The following CNTN5 variants were observed in gnomAD, a reference collection of about 807,000 sequenced individuals.
CNTN5 encodes contactin 5.
Under a neutral mutation model 129.1 loss-of-function variants are expected in CNTN5, and 77 were observed. The ratio of observed to expected loss-of-function variants is 0.60; its 90% CI spans 0.50 to 0.72. The LOEUF is 0.72. CNTN5 is among the 30% of genes least tolerant of loss of function. CNTN5 has a pLI of 0.00. For synonymous variants in CNTN5, 509 were observed against 465.6 expected (o/e 1.09, Z -1.20); for missense variants, 1,478 against 1,328.8 (o/e 1.11, Z -1.75).
At chr11:99,219,189 A>G (rs1860276209) in intron 1 of CNTN5, among the ~76,000 whole-genome samples, 1 of 152,002 alleles carries the variant, frequency 6.6e-6, no homozygotes, top group African/African-American at 2.4e-5. Context: ...ATGAACAGAT[A>G]AGTGGGCCCT....
intron 3 of CNTN5, among the ~76,000 whole-genome samples, chr11:99,750,547 A>T (rs1317827426): frequency 1.1e-5 from 1 of 91,546 alleles, no homozygotes; most frequent in Non-Finnish European, 2.1e-5. Context: ...AGTGGTAGCT[A>T]AAAAAAAAAG....
intron 16 of CNTN5, among the ~76,000 whole-genome samples, chr11:100,248,748 A>G (rs1295100505): frequency 6.6e-6 from 1 of 152,174 alleles, no homozygotes; most frequent in Non-Finnish European, 1.5e-5. Context: ...CGGAGAATTC[A>G]TCTTAGCATT....
intron 4 of CNTN5, among the ~76,000 whole-genome samples, chr11:99,835,348 T>A (rs1453170732): frequency 6.6e-6 from 1 of 152,150 alleles, no homozygotes; most frequent in East Asian, 1.9e-4. Flanking sequence ...AGGGTTGGGA[T>A]GAGGGTTCCT....
intron 6 of CNTN5, 82 bp downstream of exon 6, chr11:99,845,344 A>G (rs1356800226): frequency 1.5e-6 from 1 of 687,352 alleles, no homozygotes; most frequent in Non-Finnish European, 2.1e-6. Flanking sequence ...AGTTCAGGAA[A>G]GAAAAGCCTA....
At chr11:100,048,354 C>A (rs936024342) in intron 9 of CNTN5, among the ~76,000 whole-genome samples, 1 of 152,084 alleles carries the variant, frequency 6.6e-6, no homozygotes, top group African/African-American at 2.4e-5. Context: ...CAAAAGCTTT[C>A]CTGGTTCTTC....
rs79185798 is a variant in CNTN5, at chr11:100,328,387, T to C, written c.2731-12076T>C. 5.0e-3 allele frequency among the ~76,000 whole-genome samples: 764 copies of C among 152,172 alleles called. 9 individuals are homozygous for C. Among genetic ancestry groups the C allele is most frequent in the Admixed American group, 0.028 (433 of 15,284 alleles). ...GTGTCTCAAATGAGACCGTCCCTTC[T>C]TGCAATCCTATGAAGAACTACCTGA... is the stretch of plus-strand genomic sequence containing the variant. On this transcript the variant is annotated intron_variant, in intron 21 of 24. Transcript: ENST00000524871.
At chr11:99,718,137 C>A (rs1315539215) in intron 3 of CNTN5, among the ~76,000 whole-genome samples, 2 of 152,006 alleles carry the variant, frequency 1.3e-5, no homozygotes, top group African/African-American at 4.8e-5. Flanking sequence ...TACACATCTT[C>A]AGGAATTATT....
chr11:99,370,521 T>C (rs1022733380), intron 2 of CNTN5, among the ~76,000 whole-genome samples: 2 of 152,188 alleles, frequency 1.3e-5, no homozygotes, highest in African/African-American at 4.8e-5. Flanking sequence ...TGTTGAGCAA[T>C]TCAAGTGTTC....
chr11:99,907,312 A>C (rs1949535427), intron 6 of CNTN5, among the ~76,000 whole-genome samples: 1 of 152,084 alleles, frequency 6.6e-6, no homozygotes, highest in South Asian at 2.1e-4. Context: ...AGTATCCTTG[A>C]ATTCATACAA....
chr11:99,582,678 G>C (rs376794887), intron 3 of CNTN5, among the ~76,000 whole-genome samples: 7 of 152,254 alleles, frequency 4.6e-5, no homozygotes, highest in African/African-American at 1.7e-4. Flanking sequence ...AGCTCCATCA[G>C]GTCCTTTAAG....
chr11:99,105,937 T>C (rs1256349592), intron 1 of CNTN5, among the ~76,000 whole-genome samples: 4 of 152,164 alleles, frequency 2.6e-5, no homozygotes, highest in Non-Finnish European at 5.9e-5. Flanking sequence ...ATTTAAGGAC[T>C]TAGAACAATT....
At chr11:99,510,181 G>C (rs1946781709) in intron 2 of CNTN5, among the ~76,000 whole-genome samples, 1 of 151,940 alleles carries the variant, frequency 6.6e-6, no homozygotes, top group South Asian at 2.1e-4. Context: ...AGTGCTTACA[G>C]AAAGAACAAA....
rs556713190 is a variant in CNTN5 at position 100,143,078 on chromosome 11, A to C, written c.1581-48048A>C. Among the ~76,000 whole-genome samples, 180 of 152,308 alleles carry C rather than the reference A, an allele frequency of 1.2e-3. 3 individuals are homozygous for C. Among genetic ancestry groups the C allele is most frequent in the Admixed American group, 5.6e-3 (85 of 15,290 alleles). ...AGTATTTATATACAAATATTCCAAA[A>C]TCTGAAAAAATTCAAAATCTGCAAC... On this transcript the variant is annotated intron_variant, in intron 13 of 24. Coordinates refer to ENST00000524871, the MANE Select transcript of CNTN5 (RefSeq NM_014361.4).
At chr11:100,084,432 A>G (rs1436298199) in intron 13 of CNTN5, among the ~76,000 whole-genome samples, 7 of 152,176 alleles carry the variant, frequency 4.6e-5, no homozygotes, top group Non-Finnish European at 1.5e-5. Flanking sequence ...GATTTTTAGC[A>G]TCCTCTGAGA....
At chr11:99,304,880 T>C (rs1390465201) in intron 1 of CNTN5, among the ~76,000 whole-genome samples, 2 of 152,160 alleles carry the variant, frequency 1.3e-5, no homozygotes, top group African/African-American at 4.8e-5. Context: ...TGTGACTGTG[T>C]CTCTACTTGA....
intron 1 of CNTN5, among the ~76,000 whole-genome samples, chr11:99,313,783 A>G (rs370689289): frequency 2.6e-5 from 4 of 152,078 alleles, no homozygotes; most frequent in South Asian, 4.1e-4. Context: ...CTGAACAGCA[A>G]ATATTTATTC....
At chr11:99,170,828 C>T (rs983339411) in intron 1 of CNTN5, among the ~76,000 whole-genome samples, 2 of 152,166 alleles carry the variant, frequency 1.3e-5, no homozygotes, top group Non-Finnish European at 2.9e-5. Flanking sequence ...CCTTATAATC[C>T]TGTTTTCTCA....
rs922969402 is a variant in CNTN5 at position 99,582,239 on chromosome 11, C to G, written c.55+25970C>G. Among the ~76,000 whole-genome samples, 6 of 152,196 alleles carry G rather than the reference C, an allele frequency of 3.9e-5. No homozygotes were observed. In the South Asian group the frequency reaches 6.2e-4, roughly 16 times the overall value. On this transcript the variant is annotated intron_variant, in intron 3 of 24. Coordinates refer to ENST00000524871, the MANE Select transcript of CNTN5 (RefSeq NM_014361.4). ...TCCATTTGTGGGTAACCCGACCTTT[C>G]TCTCTGGCTGCCCTTAACATTTTTT...
At chr11:100,140,350 T>A (rs752417103) in intron 13 of CNTN5, among the ~76,000 whole-genome samples, 2 of 152,076 alleles carry the variant, frequency 1.3e-5, no homozygotes, top group Non-Finnish European at 2.9e-5. Context: ...CAAGTGAGTA[T>A]GATAAATGTA....
Sources: allele counts gnomAD v4.1 joint callset (sites outside exome capture counted in the v4.1 genomes callset), GRCh38; gene constraint gnomAD v4.1.1; transcripts MANE v1.5; gene names NCBI Gene and HGNC (gene_info 2026-07-23, HGNC 2026-07-21).